NSG2: variants seen among roughly 807,000 people sequenced by gnomAD.
The protein encoded by NSG2 is neuronal vesicle trafficking associated 2, also known as neuronal vesicle trafficking-associated protein 2.
NSG2 carries 4 observed loss-of-function variants against 16.9 expected under a neutral mutation model. The ratio of observed to expected loss-of-function variants is 0.24; its 90% CI spans 0.12 to 0.54. The LOEUF is 0.54. Among genes scored for constraint, NSG2 ranks in the 20% least tolerant of loss-of-function variants. The pLI is 0.95. For synonymous variants in NSG2, 98 were observed against 88.7 expected (o/e 1.11, Z -0.59); for missense variants, 179 against 221.1 (o/e 0.81, Z 1.21).
At position 174,070,800 on chromosome 5, in the gene NSG2, C is replaced by T. The variant is rs78475431; in HGVS notation, c.213+6485C>T. Among the ~76,000 whole-genome samples the T allele has an allele frequency of 6.7e-3, 1,015 of 152,246 alleles. 11 individuals carry two copies. The highest frequency in any genetic ancestry group is 0.023 in the African/African-American group (974 of 41,520). ...CCACTGTCCTCTGCCTGGCCTATCC[C>T]GCACCTGCAGCCCCCTCTAGCTTCT... is the stretch of plus-strand genomic sequence containing the variant. On this transcript the variant is annotated intron_variant, in intron 3 of 4. Transcript: ENST00000303177.
At chr5:174,073,587 T>C (rs762940667) in intron 3 of NSG2, among the ~76,000 whole-genome samples, 10 of 152,220 alleles carry the variant, frequency 6.6e-5, no homozygotes, top group Non-Finnish European at 1.2e-4. Context: ...CGCCTGGCTT[T>C]GTGAGTGTAC....
At chr5:174,058,125 C>T (rs1223013528) in intron 2 of NSG2, among the ~76,000 whole-genome samples, 3 of 152,164 alleles carry the variant, frequency 2.0e-5, no homozygotes, top group Admixed American at 6.5e-5. Context: ...CTGCTGTTAT[C>T]TTCTAAGTTG....
At chr5:174,064,460 C>T (rs1456182960) in intron 3 of NSG2, 145 bp downstream of exon 3, 1 of 508,166 alleles carries the variant, frequency 2.0e-6, no homozygotes, top group East Asian at 3.0e-5. Context: ...GCCATACAGT[C>T]TGGCCACTGA....
intron 3 of NSG2, among the ~76,000 whole-genome samples, chr5:174,090,408 G>A (rs1239172901): frequency 2.0e-5 from 3 of 152,148 alleles, no homozygotes; most frequent in African/African-American, 7.2e-5. Flanking sequence ...GTTTTCACTG[G>A]GGGCTGGTCA....
chr5:174,104,775 C>T (rs1356083975), intron 4 of NSG2, among the ~76,000 whole-genome samples: 1 of 152,152 alleles, frequency 6.6e-6, no homozygotes, highest in Non-Finnish European at 1.5e-5. Context: ...CCCCTTGACC[C>T]ACACTCTGAT....
At chr5:174,070,197 T>C (rs1259802986) in intron 3 of NSG2, among the ~76,000 whole-genome samples, 1 of 152,158 alleles carries the variant, frequency 6.6e-6, no homozygotes, top group South Asian at 2.1e-4. Context: ...TGGTCATTTT[T>C]TTCGTGGGCT....
intron 2 of NSG2, among the ~76,000 whole-genome samples, chr5:174,057,812 G>A (rs866969181): frequency 1.7e-4 from 26 of 152,138 alleles, no homozygotes; most frequent in African/African-American, 5.8e-4. Flanking sequence ...TGCCTCAGGT[G>A]CTGGCCTCCC....
chr5:174,078,240 C>T (rs1185603504), intron 3 of NSG2, among the ~76,000 whole-genome samples: 1 of 151,886 alleles, frequency 6.6e-6, no homozygotes, highest in Non-Finnish European at 1.5e-5. Context: ...AGGGACATTT[C>T]CTAAAGGTCT....
intron 3 of NSG2, among the ~76,000 whole-genome samples, chr5:174,096,537 G>A (rs11134826): frequency 0.12 from 17,737 of 152,178 alleles, 1,325 homozygotes; most frequent in African/African-American, 0.21. Flanking sequence ...TGGCAGACAA[G>A]AGATGAGCCC....
At chr5:174,053,783 C>T (rs949945484) in intron 2 of NSG2, among the ~76,000 whole-genome samples, 7 of 152,032 alleles carry the variant, frequency 4.6e-5, no homozygotes, top group African/African-American at 1.4e-4. Context: ...CAAATTGGCA[C>T]AAAAAAATGG....
chr5:174,085,561 C>G (rs922096188), intron 3 of NSG2, among the ~76,000 whole-genome samples: 2 of 152,218 alleles, frequency 1.3e-5, no homozygotes, highest in African/African-American at 4.8e-5. Context: ...GACCTCACTG[C>G]TCCAAGCCCA....
intron 3 of NSG2, among the ~76,000 whole-genome samples, chr5:174,102,941 C>CTTTTTTTTTTTTTTT (rs143473714): frequency 9.0e-6 from 1 of 111,706 alleles, no homozygotes; most frequent in African/African-American, 3.8e-5. Flanking sequence ...ACCACCCTGG[C>CTTTTTTTTTTTTTTT]TTTTTTTTTT....
chr5:174,059,259 G>A (rs1760012501), intron 2 of NSG2, among the ~76,000 whole-genome samples: 1 of 152,138 alleles, frequency 6.6e-6, no homozygotes, highest in African/African-American at 2.4e-5. Flanking sequence ...TAATGTCTAT[G>A]AAATTCATCA....
intron 3 of NSG2, among the ~76,000 whole-genome samples, chr5:174,071,040 G>A (rs1192070391): frequency 6.6e-6 from 1 of 152,220 alleles, no homozygotes; most frequent in African/African-American, 2.4e-5. Context: ...AGGGTGTGTA[G>A]GCACTTGGGA....
chr5:174,107,170 C>G lies in NSG2; in HGVS notation c.325-144C>G. ...GGTGCTGGTGTTGGGAAGGCTGCTG[C>G]GTGCCAGGCCCAGGTCAGGAGCTGT... On this transcript the variant is annotated intron_variant, in intron 4 of 4. Transcript: ENST00000303177. The surrounding 1 kb of genome is among the most constrained non-coding windows in gnomAD (Gnocchi z 4.5). The G allele has an allele frequency of 1.7e-6, 1 of 604,046 alleles. No homozygotes were observed. Among genetic ancestry groups the G allele is most frequent in the Non-Finnish European group, 2.8e-6 (1 of 354,498 alleles). The allele number at this position is 604,046 out of a possible 1,614,324, so 37.4% of individuals were successfully genotyped here.
intron 3 of NSG2, among the ~76,000 whole-genome samples, chr5:174,091,041 T>C (rs1760713890): frequency 9.5e-6 from 1 of 105,408 alleles, no homozygotes. Flanking sequence ...TCTTCTTCCT[T>C]TTTTTTTTTT....
chr5:174,074,125 G>T (rs1271397514), intron 3 of NSG2, among the ~76,000 whole-genome samples: 1 of 152,136 alleles, frequency 6.6e-6, no homozygotes, highest in African/African-American at 2.4e-5. Context: ...GTGGAAAGGC[G>T]ATATGGAAGA....
chr5:174,088,879 G>C (rs985569937), intron 3 of NSG2, among the ~76,000 whole-genome samples: 16 of 152,216 alleles, frequency 1.1e-4, no homozygotes, highest in Non-Finnish European at 1.9e-4. Context: ...GTCAAGACCT[G>C]GTTTTTCTCT....
At chr5:174,097,296 C>G (rs959497939) in intron 3 of NSG2, among the ~76,000 whole-genome samples, 1 of 152,016 alleles carries the variant, frequency 6.6e-6, no homozygotes. Context: ...TGATTCTCCT[C>G]AAGGTTAAGG....
Sources: gnomAD v4.1 joint callset for allele counts (sites outside exome capture counted in the v4.1 genomes callset) on GRCh38, gnomAD v4.1.1 for gene constraint, Gnocchi (gnomAD v3.1) non-coding constraint, MANE v1.5 for transcripts, NCBI Gene and HGNC (gene_info 2026-07-23, HGNC 2026-07-21) for gene names.